RGL1: variants seen among roughly 807,000 people sequenced by gnomAD.
The protein encoded by RGL1 is ral guanine nucleotide dissociation stimulator like 1.
Under a neutral mutation model 95.2 loss-of-function variants are expected in RGL1, and 24 were observed. The observed-to-expected ratio is 0.25, with a 90% confidence interval of 0.18 to 0.35. The LOEUF is 0.35. Among genes scored for constraint, RGL1 ranks in the 10% least tolerant of loss-of-function variants. The pLI, the probability that RGL1 is intolerant of heterozygous loss-of-function variation, is 1.00. For synonymous variants in RGL1, 329 were observed against 344.9 expected (o/e 0.95, Z 0.51); for missense variants, 715 against 936.3 (o/e 0.76, Z 3.08).
At chr1:183,830,862 A>T (rs1440221321) in intron 2 of RGL1, among the ~76,000 whole-genome samples, 1 of 152,240 alleles carries the variant, frequency 6.6e-6, no homozygotes, top group East Asian at 1.9e-4. Flanking sequence ...TCAGAAAAAC[A>T]GATTTTTGTA....
At chr1:183,719,113 T>C (rs909393058) in intron 1 of RGL1, among the ~76,000 whole-genome samples, 1 of 152,226 alleles carries the variant, frequency 6.6e-6, no homozygotes, top group Non-Finnish European at 1.5e-5. Context: ...ATCTTTCATA[T>C]GGTTGCAGAG....
At chr1:183,890,777 A>G (rs1309734620) in intron 8 of RGL1, among the ~76,000 whole-genome samples, 1 of 152,122 alleles carries the variant, frequency 6.6e-6, no homozygotes, top group Non-Finnish European at 1.5e-5. Context: ...TGGACACGGA[A>G]TGTAGATCAG....
chr1:183,741,563 C>G (rs941300135), intron 1 of RGL1, among the ~76,000 whole-genome samples: 13 of 152,220 alleles, frequency 8.5e-5, no homozygotes, highest in Non-Finnish European at 1.6e-4. Context: ...ATTTCAGACA[C>G]TACGTTGTAA....
intron 1 of RGL1, among the ~76,000 whole-genome samples, chr1:183,731,206 A>T (rs1296588082): frequency 6.6e-6 from 1 of 152,234 alleles, no homozygotes; most frequent in Non-Finnish European, 1.5e-5. Flanking sequence ...AATAGATTCC[A>T]TATGTTGTTT....
At chr1:183,763,842 C>T (rs904225854) in intron 2 of RGL1, among the ~76,000 whole-genome samples, 3 of 152,162 alleles carry the variant, frequency 2.0e-5, no homozygotes, top group Non-Finnish European at 4.4e-5. Context: ...CAAAATGTTA[C>T]ACCACATGGG....
chr1:183,846,067 C>T (rs1178175779), intron 2 of RGL1, among the ~76,000 whole-genome samples: 1 of 152,222 alleles, frequency 6.6e-6, no homozygotes, highest in Non-Finnish European at 1.5e-5. Context: ...GATTATAAAT[C>T]ATTCTACTAT....
At chr1:183,723,247 G>A (rs1447628344) in intron 1 of RGL1, among the ~76,000 whole-genome samples, 3 of 152,208 alleles carry the variant, frequency 2.0e-5, no homozygotes, top group African/African-American at 4.8e-5. Context: ...AGGAGGCAGA[G>A]CAAGATGGCT....
chr1:183,821,758 GT>G (rs1382200028), intron 2 of RGL1, among the ~76,000 whole-genome samples: 1 of 152,128 alleles, frequency 6.6e-6, no homozygotes, highest in Non-Finnish European at 1.5e-5. Context: ...ACCCTAAAGT[GT>G]CCCTGGAGTC....
At chr1:183,735,044 A>G (rs1390396190) in intron 1 of RGL1, among the ~76,000 whole-genome samples, 1 of 151,524 alleles carries the variant, frequency 6.6e-6, no homozygotes, top group Non-Finnish European at 1.5e-5. Flanking sequence ...GTCACAGGGT[A>G]GTACAAACCC....
chr1:183,795,636 G>A (rs114140047), intron 2 of RGL1, among the ~76,000 whole-genome samples: 1,615 of 152,318 alleles, frequency 0.011, 24 homozygotes, highest in African/African-American at 0.036. Context: ...GCAAGGCCCT[G>A]TGGCATATGA....
At chr1:183,729,733 A>C (rs1018298461) in intron 1 of RGL1, among the ~76,000 whole-genome samples, 1 of 152,214 alleles carries the variant, frequency 6.6e-6, no homozygotes, top group Non-Finnish European at 1.5e-5. Context: ...AATGTCCATC[A>C]GCAGGTGAAT....
chr1:183,679,567 A>T (rs1010750547), intron 1 of RGL1, among the ~76,000 whole-genome samples: 19 of 151,078 alleles, frequency 1.3e-4, no homozygotes, highest in Non-Finnish European at 2.4e-4. Context: ...ATGGCTGCAT[A>T]GTATTCCATG....
intron 7 of RGL1, among the ~76,000 whole-genome samples, chr1:183,885,718 A>AACGTGAGGAGACTGGACCAGGCCT (rs1667070504): frequency 6.6e-6 from 1 of 152,228 alleles, no homozygotes; most frequent in Non-Finnish European, 1.5e-5. Context: ...AGGATAGAGC[A>AACGTGAGGAGACTGGACCAGGCCT]TAATTATTTG....
chr1:183,875,583 A>C (rs1287461915), intron 4 of RGL1, among the ~76,000 whole-genome samples: 1 of 152,138 alleles, frequency 6.6e-6, no homozygotes, highest in Admixed American at 6.5e-5. Flanking sequence ...TTGGCTGAGA[A>C]ATCAATGAGT....
At chr1:183,739,429 C>A (rs1657151370) in intron 1 of RGL1, among the ~76,000 whole-genome samples, 3 of 152,226 alleles carry the variant, frequency 2.0e-5, no homozygotes, top group Admixed American at 2.0e-4. Flanking sequence ...GGGAACTCTG[C>A]AACTTTCTAG....
intron 1 of RGL1, among the ~76,000 whole-genome samples, chr1:183,708,344 G>A (rs1391451430): frequency 1.3e-5 from 2 of 152,154 alleles, no homozygotes; most frequent in Non-Finnish European, 2.9e-5. Flanking sequence ...TCAAGGCCTT[G>A]TTCATGTTCC....
At chr1:183,897,741 G>A in intron 9 of RGL1, 67 bp from the exon 10 acceptor site, 3 of 1,179,082 alleles carry the variant, frequency 2.5e-6, no homozygotes, top group South Asian at 1.3e-5. Context: ...GAAACTAGAT[G>A]CCTCTTTACT....
intron 1 of RGL1, among the ~76,000 whole-genome samples, chr1:183,700,676 G>T (rs1654539537): frequency 1.3e-5 from 2 of 151,696 alleles, no homozygotes; most frequent in Middle Eastern, 3.4e-3. Flanking sequence ...CTCCTGAGTT[G>T]CTGGGATTAC....
rs74130227 is a variant in RGL1, at chr1:183,689,045, T to C, written c.-33+52544T>C. On this transcript the variant is annotated intron_variant, in intron 1 of 18. Transcript: ENST00000304685. Reference sequence around the variant, plus strand: ...TTATCCCTTAAAGGCAGACAGATCATTAAAATTAAAATTGTATTAAAAATA... The same window carrying C: ...TTATCCCTTAAAGGCAGACAGATCACTAAAATTAAAATTGTATTAAAAATA... Among the ~76,000 whole-genome samples, 1,247 of 152,290 alleles carry C rather than the reference T, an allele frequency of 8.2e-3. 13 individuals are homozygous for C. The highest frequency in any genetic ancestry group is 0.029 in the African/African-American group (1,186 of 41,560).
Sources: gnomAD v4.1 joint callset for allele counts (sites outside exome capture counted in the v4.1 genomes callset) on GRCh38, gnomAD v4.1.1 for gene constraint, MANE v1.5 for transcripts, NCBI Gene and HGNC (gene_info 2026-07-23, HGNC 2026-07-21) for gene names.